SLC68A1: variants seen among roughly 807,000 people sequenced by gnomAD.
The protein encoded by SLC68A1 is solute carrier family 68 member 1.
the SLC68A1 span, among the ~76,000 whole-genome samples, chr10:102,463,508 G>C: frequency 6.6e-6 from 1 of 152,092 alleles, no homozygotes; most frequent in South Asian, 2.1e-4. Context: ...GCTGGAGGAG[G>C]GGAAGGGAGG....
the SLC68A1 span, among the ~76,000 whole-genome samples, chr10:102,473,407 C>T: frequency 1.3e-5 from 2 of 152,114 alleles, no homozygotes; most frequent in Non-Finnish European, 2.9e-5. Context: ...GATAATAGTA[C>T]TCACCTTAAG....
chr10:102,473,632 GGCGTCTAC>G, the SLC68A1 span: 1 of 1,614,080 alleles, frequency 6.2e-7, no homozygotes, highest in East Asian at 2.2e-5. Flanking sequence ...CCGGCGCTGG[GGCGTCTAC>G]GCGGTGGTGC....
chr10:102,470,689 G>C, the SLC68A1 span: 22 of 1,611,888 alleles, frequency 1.4e-5, no homozygotes, highest in Middle Eastern at 1.8e-4. Flanking sequence ...TCTCCTCAAG[G>C]GCTGTGGTGC....
chr10:102,466,783 G>A, the SLC68A1 span, among the ~76,000 whole-genome samples: 5 of 152,204 alleles, frequency 3.3e-5, no homozygotes, highest in Non-Finnish European at 7.3e-5. Flanking sequence ...GGCGGGGGGA[G>A]CCTTCACTCC....
the SLC68A1 span, chr10:102,473,728 C>G: frequency 6.2e-7 from 1 of 1,613,332 alleles, no homozygotes; most frequent in Non-Finnish European, 8.5e-7. Flanking sequence ...CCTGCTGTGC[C>G]TCTTCATTGC....
the SLC68A1 span, chr10:102,473,938 T>C: frequency 1.1e-5 from 18 of 1,613,426 alleles, no homozygotes; most frequent in Non-Finnish European, 1.4e-5. Flanking sequence ...CTCTTTGGCA[T>C]GGTTGCCTTG....
chr10:102,469,265 G>A, the SLC68A1 span: 5 of 1,523,946 alleles, frequency 3.3e-6, no homozygotes, highest in South Asian at 2.3e-5. Context: ...TGCCCAGGCT[G>A]CTGGGCAGAT....
At chr10:102,476,199 G>C in the SLC68A1 span, 234,815 of 789,754 alleles carry the variant, frequency 0.3, 36,878 homozygotes, top group Admixed American at 0.35. Flanking sequence ...TCCCGAGTAG[G>C]TGGGATTATA....
chr10:102,465,731 G>A, the SLC68A1 span, among the ~76,000 whole-genome samples: 7 of 152,212 alleles, frequency 4.6e-5, no homozygotes, highest in African/African-American at 1.7e-4. Context: ...CCTGGGAGAG[G>A]TGGGGCTGCT....
the SLC68A1 span, among the ~76,000 whole-genome samples, chr10:102,467,073 C>T: frequency 0.47 from 72,036 of 152,096 alleles, 17,690 homozygotes; most frequent in Middle Eastern, 0.62. Flanking sequence ...AGTCTTGCTC[C>T]GTCGCCCAGG....
At chr10:102,476,169 G>A in the SLC68A1 span, 1 of 1,073,582 alleles carries the variant, frequency 9.3e-7, no homozygotes, top group Non-Finnish European at 1.2e-6. Flanking sequence ...CCAGGTTCAA[G>A]CAATTATCCT....
chr10:102,471,166 G>A, the SLC68A1 span: 1 of 1,563,226 alleles, frequency 6.4e-7, no homozygotes, highest in Non-Finnish European at 8.7e-7. Context: ...AACCTTCTAA[G>A]TCTGATTTCG....
At chr10:102,465,080 C>T in the SLC68A1 span, among the ~76,000 whole-genome samples, 1 of 152,112 alleles carries the variant, frequency 6.6e-6, no homozygotes, top group Admixed American at 6.6e-5. Context: ...TGGTGAAACC[C>T]CGTCTCTACT....
chr10:102,474,184 A>G, the SLC68A1 span, among the ~76,000 whole-genome samples: 1 of 152,210 alleles, frequency 6.6e-6, no homozygotes, highest in Non-Finnish European at 1.5e-5. Flanking sequence ...TTCTTAGTTC[A>G]TTCATTTATT....
chr10:102,465,126 C>T, the SLC68A1 span, among the ~76,000 whole-genome samples: 1 of 151,772 alleles, frequency 6.6e-6, no homozygotes, highest in South Asian at 2.1e-4. Flanking sequence ...AGTGTGGTGG[C>T]GTGCGCCTGT....
the SLC68A1 span, chr10:102,476,836 C>G: frequency 1.0e-6 from 1 of 985,694 alleles, no homozygotes; most frequent in South Asian, 4.7e-5. Flanking sequence ...ACTGCAACTG[C>G]TCCCTTTTGC....
the SLC68A1 span, chr10:102,474,088 C>G: frequency 1.4e-6 from 2 of 1,440,308 alleles, 1 homozygote; most frequent in African/African-American, 2.8e-5. Flanking sequence ...GCTGGCAAGC[C>G]TGGGCTCTGG....
At chr10:102,472,632 G>A in the SLC68A1 span, among the ~76,000 whole-genome samples, 2 of 152,152 alleles carry the variant, frequency 1.3e-5, no homozygotes, top group Admixed American at 6.5e-5. Flanking sequence ...CTATTTTGCC[G>A]TGGCTTCTAA....
the SLC68A1 span, chr10:102,473,882 CGA>C: frequency 3.7e-6 from 6 of 1,614,136 alleles, no homozygotes; most frequent in Non-Finnish European, 3.4e-6. Flanking sequence ...ACCTGGTAGA[CGA>C]GGACCTGGTG....
Sources: allele counts gnomAD v4.1 joint callset (sites outside exome capture counted in the v4.1 genomes callset), GRCh38; gene constraint gnomAD v4.1.1; transcripts MANE v1.5; gene names NCBI Gene and HGNC (gene_info 2026-07-23, HGNC 2026-07-21).